Variants in WDR25 observed in about 807,000 individuals in gnomAD.
WDR25 encodes WD repeat domain 25.
In WDR25, 35 loss-of-function variants were observed where a neutral mutation model predicts 47.7. The observed-to-expected ratio is 0.73, with a 90% CI of 0.56 to 0.97. The LOEUF is 0.97. WDR25 is among the 50% of genes least tolerant of loss of function. The pLI is 0.00. For missense variants in WDR25, 634 were observed against 704.7 expected (o/e 0.90, Z 1.14); for synonymous variants, 248 against 278.9 (o/e 0.89, Z 1.10).
In WDR25 at chr14:100,392,396, G is replaced by A. The variant is rs1428326176; in HGVS notation, c.822+10650G>A. ...GCTTGGTTAGCTCTCCAAACTGTGT[G>A]ATGAAAACGTGATCCCAGGGGTCCA... On this transcript the variant is annotated intron_variant, in intron 2 of 6. Coordinates refer to ENST00000402312, the MANE Select transcript of WDR25 (RefSeq NM_001161476.3). The surrounding 1 kb of genome is among the most constrained non-coding windows in gnomAD (Gnocchi z 4.2). Among the ~76,000 whole-genome samples, 1 of 151,686 alleles carries A rather than the reference G, an allele frequency of 6.6e-6. No individual in the cohort carries two copies. Among genetic ancestry groups the A allele is most frequent in the African/African-American group, 2.4e-5 (1 of 41,236 alleles).
intron 3 of WDR25, among the ~76,000 whole-genome samples, chr14:100,469,027 G>A (rs1166620229): frequency 3.3e-5 from 5 of 152,006 alleles, no homozygotes; most frequent in Admixed American, 3.3e-4. Context: ...CCTCCCCAGA[G>A]CTCCTCGGTC....
rs536942500 is a variant in WDR25, at chr14:100,453,658, C to T, written c.823-14363C>T. On this transcript the variant is annotated intron_variant, in intron 2 of 6. Transcript: ENST00000402312. ...TCCTCCTGAGACCATTGTACTCCCA[C>T]CATTGGACAGGCTCTGCACCTGCTG... Among the ~76,000 whole-genome samples, 18 of 152,314 alleles carry T rather than the reference C, an allele frequency of 1.2e-4. No homozygotes were observed. In the South Asian group the frequency reaches 2.7e-3, roughly 23 times the overall value.
intron 3 of WDR25, among the ~76,000 whole-genome samples, chr14:100,469,292 G>A (rs966591344): frequency 1.3e-5 from 2 of 152,234 alleles, no homozygotes; most frequent in African/African-American, 2.4e-5. Flanking sequence ...TTTCCACCTT[G>A]AGTGTGGGCG....
intron 4 of WDR25, among the ~76,000 whole-genome samples, chr14:100,509,090 A>G (rs1359987533): frequency 6.6e-6 from 1 of 152,206 alleles, no homozygotes; most frequent in Non-Finnish European, 1.5e-5. Context: ...TTGACCTCAG[A>G]AAAGTGAACT....
chr14:100,407,791 G>A lies in WDR25; in HGVS notation c.822+26045G>A, dbSNP rs145125550. ...TTGAGTCTGGGTGCCAGAGATTAGA[G>A]CTGGGATTGGAGATGTAGCCCGTCC... On this transcript the variant is annotated intron_variant, in intron 2 of 6. Coordinates refer to ENST00000402312, the MANE Select transcript of WDR25 (RefSeq NM_001161476.3). This position sits in a 1 kb window ranked among gnomAD's most constrained non-coding sequence, Gnocchi z 4.1. Among the ~76,000 whole-genome samples, 193 of 152,282 alleles carry A rather than the reference G, an allele frequency of 1.3e-3. 1 individual carries two copies. The highest frequency in any genetic ancestry group is 3.4e-4 in the Non-Finnish European group (23 of 68,016).
Position 100,428,463 on chromosome 14 carries a change from C to T in WDR25, c.823-39558C>T, listed in dbSNP as rs531458118. On this transcript the variant is annotated intron_variant, in intron 2 of 6. Transcript: ENST00000402312. This position sits in a 1 kb window ranked among gnomAD's most constrained non-coding sequence, Gnocchi z 4.3. ...CCATTTTAGCCTTTCTGGGCCTCAGCGTCCTCCTCTGTGGATGGGGGACAG... is the reference window on the plus strand; with the variant it reads ...CCATTTTAGCCTTTCTGGGCCTCAGTGTCCTCCTCTGTGGATGGGGGACAG... Among the ~76,000 whole-genome samples the T allele has an allele frequency of 3.5e-4, 54 of 152,328 alleles. No homozygotes were observed. Among genetic ancestry groups the T allele is most frequent in the African/African-American group, 1.1e-3 (46 of 41,578 alleles).
At chr14:100,489,943 G>A (rs1317240381) in intron 4 of WDR25, among the ~76,000 whole-genome samples, 1 of 152,154 alleles carries the variant, frequency 6.6e-6, no homozygotes, top group Non-Finnish European at 1.5e-5. Context: ...GACACTAATC[G>A]TCAATATTTC....
At position 100,529,979 on chromosome 14, in the gene WDR25, C is replaced by A. The variant is rs760109416; in HGVS notation, c.1573C>A (p.Pro525Thr). The A allele has an allele frequency of 9.9e-6, 16 of 1,613,452 alleles. No individual in the cohort carries two copies. Among genetic ancestry groups the A allele is most frequent in the Non-Finnish European group, 1.2e-5 (14 of 1,179,980 alleles). ...TQACVGTTYH[P>T]VLPSVLATCS... ...GGCCTGTGTCGGCACCACCTATCAC[C>A]CCGTGCTGCCCTCCGTCCTCGCCAC... Residue 525 changes from proline (P) to threonine (T), a missense_variant, in exon 7 of 7, where the codon CCC becomes ACC. Transcript: ENST00000402312. The surrounding 1 kb of genome is among the most constrained non-coding windows in gnomAD (Gnocchi z 5.1).
intron 2 of WDR25, among the ~76,000 whole-genome samples, chr14:100,464,316 T>C (rs1260713409): frequency 6.6e-6 from 1 of 152,148 alleles, no homozygotes; most frequent in Non-Finnish European, 1.5e-5. Flanking sequence ...CTGGCCACCA[T>C]TTCAGCCCCT....
chr14:100,426,614 C>T (rs762150166), intron 2 of WDR25, among the ~76,000 whole-genome samples: 1 of 152,242 alleles, frequency 6.6e-6, no homozygotes, highest in African/African-American at 2.4e-5. Context: ...GCTCTTCACT[C>T]TGCCCCTTCC....
chr14:100,496,140 C>T (rs1369412036), intron 4 of WDR25, among the ~76,000 whole-genome samples: 2 of 152,184 alleles, frequency 1.3e-5, no homozygotes, highest in Admixed American at 6.5e-5. Context: ...TTATATTATA[C>T]GTATCCTAGT....
At chr14:100,517,435 G>T (rs979991596) in intron 4 of WDR25, among the ~76,000 whole-genome samples, 2 of 151,728 alleles carry the variant, frequency 1.3e-5, no homozygotes, top group Non-Finnish European at 2.9e-5. Flanking sequence ...TTAGCTTTTT[G>T]GTTATGTCTC....
chr14:100,379,397 T>C (rs970124816), intron 1 of WDR25, among the ~76,000 whole-genome samples: 2 of 150,462 alleles, frequency 1.3e-5, no homozygotes, highest in African/African-American at 4.9e-5. Context: ...TTTCTTTTTT[T>C]TTTTTTTTGA....
intron 5 of WDR25, among the ~76,000 whole-genome samples, chr14:100,528,435 CTTT>C (rs66881970): frequency 7.6e-6 from 1 of 131,016 alleles, no homozygotes; most frequent in Non-Finnish European, 1.6e-5. Flanking sequence ...TTCTTTCTTT[CTTT>C]TTTTTTTTTT....
intron 3 of WDR25, among the ~76,000 whole-genome samples, chr14:100,476,068 C>A (rs942165250): frequency 8.5e-5 from 13 of 152,212 alleles, no homozygotes; most frequent in African/African-American, 3.1e-4. Flanking sequence ...GTTTATTGGG[C>A]CCTATCAGTT....
intron 2 of WDR25, among the ~76,000 whole-genome samples, chr14:100,414,872 C>G (rs1377075293): frequency 4.0e-5 from 6 of 150,578 alleles, no homozygotes; most frequent in Non-Finnish European, 7.4e-5. Context: ...CCACTGCACT[C>G]CAGCCTGGGT....
intron 2 of WDR25, among the ~76,000 whole-genome samples, chr14:100,410,492 G>A (rs1051700866): frequency 6.6e-6 from 1 of 152,170 alleles, no homozygotes; most frequent in Non-Finnish European, 1.5e-5. Flanking sequence ...GTAATTATAA[G>A]TTGCACAGTG....
At chr14:100,501,239 C>T (rs1019548289) in intron 4 of WDR25, among the ~76,000 whole-genome samples, 3 of 152,090 alleles carry the variant, frequency 2.0e-5, no homozygotes, top group Admixed American at 6.5e-5. Context: ...AAAGTGGTCA[C>T]GAGGATTAAG....
At chr14:100,474,870 A>G (rs943121636) in intron 3 of WDR25, among the ~76,000 whole-genome samples, 1 of 152,238 alleles carries the variant, frequency 6.6e-6, no homozygotes, top group African/African-American at 2.4e-5. Context: ...GTGGATTGGA[A>G]GAGAAAGTTT....
Sources: allele counts gnomAD v4.1 joint callset (sites outside exome capture counted in the v4.1 genomes callset), GRCh38; gene constraint gnomAD v4.1.1; non-coding constraint Gnocchi (gnomAD v3.1); transcripts MANE v1.5; gene names NCBI Gene and HGNC (gene_info 2026-07-23, HGNC 2026-07-21).